The following CDH12 variants were observed in gnomAD, a reference collection of about 807,000 sequenced individuals.
CDH12 encodes the protein cadherin 12.
Under a neutral mutation model 74.1 loss-of-function variants are expected in CDH12, and 41 were observed. That is an observed-to-expected ratio of 0.55 (90% CI 0.43 to 0.72). CDH12 has a LOEUF of 0.72. Among genes scored for constraint, CDH12 ranks in the 30% least tolerant of loss-of-function variants. The probability of loss-of-function intolerance (pLI) is 0.00; values close to 1 mark genes in which losing one functional copy is unlikely to be tolerated. For synonymous variants in CDH12, 399 were observed against 355.0 expected, an observed-to-expected ratio of 1.12 and a Z score of -1.39; for missense variants, 945 against 977.2, an observed-to-expected ratio of 0.97 and a Z score of 0.44.
At chr5:22,757,942 G>A (rs189997525) in intron 1 of CDH12, among the ~76,000 whole-genome samples, 5 of 152,278 alleles carry the variant, frequency 3.3e-5, no homozygotes, top group Admixed American at 2.6e-4. Context: ...GAAGTGGGGA[G>A]GGGTATAGAA....
chr5:22,422,328 T>C (rs1466960374), intron 2 of CDH12, among the ~76,000 whole-genome samples: 1 of 152,192 alleles, frequency 6.6e-6, no homozygotes, highest in Non-Finnish European at 1.5e-5. Flanking sequence ...AGGCTTCTTC[T>C]GCATCTATTG....
intron 5 of CDH12, among the ~76,000 whole-genome samples, chr5:22,074,222 C>T (rs1475361473): frequency 6.6e-6 from 1 of 152,120 alleles, no homozygotes; most frequent in Non-Finnish European, 1.5e-5. Flanking sequence ...GAAGGATTCC[C>T]TATTTAATAA....
intron 4 of CDH12, among the ~76,000 whole-genome samples, chr5:22,105,562 G>T (rs1283430111): frequency 1.3e-5 from 2 of 151,684 alleles, no homozygotes; most frequent in South Asian, 4.2e-4. Context: ...GCCAGGTGTG[G>T]TGTTCTGCAC....
chr5:21,782,301 T>C (rs1003217129), intron 11 of CDH12, among the ~76,000 whole-genome samples: 3 of 152,218 alleles, frequency 2.0e-5, no homozygotes, highest in Admixed American at 2.0e-4. Context: ...TCTTTTATGT[T>C]AGACTTACTT....
chr5:22,605,947 C>T (rs1457103844), intron 1 of CDH12, among the ~76,000 whole-genome samples: 11 of 152,214 alleles, frequency 7.2e-5, no homozygotes, highest in African/African-American at 1.7e-4. Flanking sequence ...AGAGCAGCAT[C>T]TCTGTTGGGG....
intron 3 of CDH12, among the ~76,000 whole-genome samples, chr5:22,325,922 A>G (rs1739077855): frequency 6.6e-6 from 1 of 152,064 alleles, no homozygotes; most frequent in African/African-American, 2.4e-5. Flanking sequence ...CAACAACAAC[A>G]ACAACAACAA....
chr5:21,840,803 T>C (rs1278440117), intron 8 of CDH12, among the ~76,000 whole-genome samples: 2 of 152,134 alleles, frequency 1.3e-5, no homozygotes, highest in Admixed American at 6.6e-5. Flanking sequence ...TGGCTAGCCA[T>C]ATATAAAAAG....
chr5:22,012,424 G>C (rs543795624), intron 5 of CDH12, among the ~76,000 whole-genome samples: 39 of 152,182 alleles, frequency 2.6e-4, no homozygotes, highest in African/African-American at 8.9e-4. Flanking sequence ...GTTGAGTTAA[G>C]AAAATGAAAA....
intron 2 of CDH12, among the ~76,000 whole-genome samples, chr5:22,456,277 C>A (rs1745271036): frequency 2.1e-5 from 3 of 144,454 alleles, no homozygotes; most frequent in Admixed American, 1.4e-4. Context: ...TGTGTGTAAT[C>A]AACTCTTAAT....
chr5:22,476,498 A>G (rs1257836925), intron 2 of CDH12, among the ~76,000 whole-genome samples: 1 of 152,044 alleles, frequency 6.6e-6, no homozygotes, highest in Non-Finnish European at 1.5e-5. Context: ...TTTTCTCCCA[A>G]ATTAATAAAT....
At chr5:21,961,015 A>AT (rs978926782) in intron 6 of CDH12, among the ~76,000 whole-genome samples, 2 of 152,034 alleles carry the variant, frequency 1.3e-5, no homozygotes, top group Non-Finnish European at 2.9e-5. Context: ...TTTTCATGAA[A>AT]TTTTTTGTGT....
chr5:22,822,019 G>A (rs1185352743), intron 1 of CDH12, among the ~76,000 whole-genome samples: 1 of 152,112 alleles, frequency 6.6e-6, no homozygotes, highest in African/African-American at 2.4e-5. Flanking sequence ...GTGTGGTACT[G>A]GTACCAAAAC....
chr5:22,430,190 CT>C (rs1744109761), intron 2 of CDH12, among the ~76,000 whole-genome samples: 1 of 152,094 alleles, frequency 6.6e-6, no homozygotes, highest in Non-Finnish European at 1.5e-5. Context: ...ACTTAGTGTA[CT>C]CTTTGCATGC....
At chr5:22,223,878 A>G (rs556318827) in intron 3 of CDH12, among the ~76,000 whole-genome samples, 58 of 152,152 alleles carry the variant, frequency 3.8e-4, no homozygotes, top group Non-Finnish European at 6.9e-4. Flanking sequence ...TTGAGCCACA[A>G]AGAAGGTTAA....
chr5:21,769,004 GA>G (rs1745175964), intron 11 of CDH12, among the ~76,000 whole-genome samples: 1 of 151,918 alleles, frequency 6.6e-6, no homozygotes, highest in African/African-American at 2.4e-5. Context: ...TTAATACAAG[GA>G]AGAACAAAAT....
chr5:22,132,823 C>T (rs369386701), intron 4 of CDH12, among the ~76,000 whole-genome samples: 2 of 152,054 alleles, frequency 1.3e-5, no homozygotes, highest in Non-Finnish European at 2.9e-5. Context: ...CTATGCAACT[C>T]GGGTCCAGGA....
intron 2 of CDH12, among the ~76,000 whole-genome samples, chr5:22,435,490 G>GTA (rs1310631533): frequency 0.01 from 922 of 89,598 alleles, 11 homozygotes; most frequent in African/African-American, 0.039. Flanking sequence ...ATATGTATGT[G>GTA]TATATATATG....
At chr5:22,406,747 T>G (rs571591767) in intron 2 of CDH12, among the ~76,000 whole-genome samples, 2 of 152,188 alleles carry the variant, frequency 1.3e-5, no homozygotes, top group South Asian at 4.1e-4. Context: ...CATTATCTGT[T>G]TATTGAATGT....
At chr5:21,915,988 T>G (rs1238973168) in intron 6 of CDH12, among the ~76,000 whole-genome samples, 2 of 152,058 alleles carry the variant, frequency 1.3e-5, no homozygotes, top group African/African-American at 2.4e-5. Flanking sequence ...CAACAAAGTA[T>G]GTGTCATACT....
Sources: gnomAD v4.1 joint callset for allele counts (sites outside exome capture counted in the v4.1 genomes callset) on GRCh38, gnomAD v4.1.1 for gene constraint, MANE v1.5 for transcripts, NCBI Gene and HGNC (gene_info 2026-07-23, HGNC 2026-07-21) for gene names.